LAMA3: variants seen among roughly 807,000 people sequenced by gnomAD.
LAMA3 encodes laminin subunit alpha-3.
In LAMA3, 281 loss-of-function variants were observed where a neutral mutation model predicts 402.0. The ratio of observed to expected loss-of-function variants is 0.70; its 90% CI spans 0.63 to 0.77. LAMA3 has a LOEUF of 0.77. LAMA3 is among the 30% of genes least tolerant of loss of function. The pLI, the probability that LAMA3 is intolerant of heterozygous loss-of-function variation, is 0.00. For missense variants in LAMA3, 3,840 were observed against 4,215.5 expected (o/e 0.91, Z 2.47); for synonymous variants, 1,431 against 1,558.4 (o/e 0.92, Z 1.93).
At chr18:23,774,613 T>C (rs984347717) in intron 9 of LAMA3, among the ~76,000 whole-genome samples, 3 of 152,228 alleles carry the variant, frequency 2.0e-5, no homozygotes, top group African/African-American at 7.2e-5. Flanking sequence ...TTACAGACTT[T>C]TCCCTACATG....
chr18:23,818,450 A>G (rs1287928960), intron 18 of LAMA3, among the ~76,000 whole-genome samples: 2 of 152,256 alleles, frequency 1.3e-5, no homozygotes, highest in East Asian at 3.8e-4. Flanking sequence ...GCAAACCAAC[A>G]GTGTGGATGC....
At chr18:23,915,100 A>G (rs1033210729) in intron 58 of LAMA3, among the ~76,000 whole-genome samples, 189 bp from the exon 59 acceptor site, 1 of 152,198 alleles carries the variant, frequency 6.6e-6, no homozygotes, top group Non-Finnish European at 1.5e-5. Context: ...GAGGAAACAG[A>G]GACAGCGAGG....
At chr18:23,712,152 A>G (rs2061001772) in intron 1 of LAMA3, among the ~76,000 whole-genome samples, 2 of 152,150 alleles carry the variant, frequency 1.3e-5, no homozygotes, top group South Asian at 4.1e-4. Context: ...AGGCCGAGGC[A>G]GGCGGATCAC....
At chr18:23,716,907 A>G (rs1031743521) in intron 2 of LAMA3, among the ~76,000 whole-genome samples, 1 of 152,230 alleles carries the variant, frequency 6.6e-6, no homozygotes, top group Non-Finnish European at 1.5e-5. Flanking sequence ...TAAGATTATT[A>G]TGAGTTCTAA....
At chr18:23,756,482 A>C (rs1023667028) in intron 6 of LAMA3, among the ~76,000 whole-genome samples, 3 of 144,424 alleles carry the variant, frequency 2.1e-5, no homozygotes, top group South Asian at 2.3e-4. Flanking sequence ...ACCCAAAAAA[A>C]CCCCACAACC....
chr18:23,857,775 G>C, intron 32 of LAMA3, 69 bp from the exon 33 acceptor site: 1 of 1,597,400 alleles, frequency 6.3e-7, no homozygotes, highest in Admixed American at 1.7e-5. Flanking sequence ...GTCCACTATA[G>C]TGTAAGTGAG....
At position 23,827,313 on chromosome 18, in the gene LAMA3, G is replaced by A; in HGVS notation, c.2670-1G>A. 1 of 1,614,134 alleles carries A rather than the reference G, an allele frequency of 6.2e-7. No homozygotes were observed. Among genetic ancestry groups the A allele is most frequent in the Non-Finnish European group, 8.5e-7 (1 of 1,180,002 alleles). The stretch of plus-strand genomic sequence containing the variant: ...TTCCATTGTTGTTGCTGTTGTTGAA[G>A]TTGCTTACTCTACCAGCATTTGCCA... On this transcript the variant is annotated splice_acceptor_variant, in intron 22 of 74. Transcript: ENST00000313654. LOFTEE classifies it high-confidence loss of function.
chr18:23,743,133 G>T (rs2061591169), intron 2 of LAMA3, among the ~76,000 whole-genome samples: 1 of 152,174 alleles, frequency 6.6e-6, no homozygotes, highest in Non-Finnish European at 1.5e-5. Context: ...CATGACAGGT[G>T]CTCTTTTAGA....
intron 44 of LAMA3, 193 bp from the exon 45 acceptor site, chr18:23,898,545 T>G (rs1290925396): frequency 3.3e-6 from 2 of 604,926 alleles, no homozygotes; most frequent in Admixed American, 2.9e-5. Flanking sequence ...TGCTACTTTA[T>G]TTTAGAGCCA....
At chr18:23,727,323 T>C (rs1161385696) in intron 2 of LAMA3, among the ~76,000 whole-genome samples, 1 of 152,112 alleles carries the variant, frequency 6.6e-6, no homozygotes, top group Admixed American at 6.5e-5. Context: ...GATTGATTGA[T>C]TGATTGATTG....
intron 64 of LAMA3, among the ~76,000 whole-genome samples, chr18:23,930,694 A>C (rs1292032322): frequency 6.6e-6 from 1 of 152,162 alleles, no homozygotes; most frequent in Non-Finnish European, 1.5e-5. Flanking sequence ...ACTGTACTCT[A>C]GCCTATGCAA....
Position 23,689,796 on chromosome 18 carries a change from A to G in LAMA3, c.113A>G (p.Asp38Gly). ...CCAGCCTGCGGGGCGACCGCTCGGG[A>G]TCCCGGGGCCGCGGCCGGGCTCAGC... Reference protein sequence around the residue: ...VLPACGATARDPGAAAGLSLH... With the variant: ...VLPACGATARGPGAAAGLSLH... Residue 38 changes from aspartate to glycine, a missense_variant, in exon 1 of 75, where the codon GAT (aspartate) becomes GGT (glycine). By Grantham distance (94) the Asp-to-Gly change is moderately conservative. Around this residue, in one of 3 missense-constraint regions of LAMA3, gnomAD observed 2,109 missense variants for 2,376.0 expected, o/e 0.89. Transcript: ENST00000313654. 6.5e-7 allele frequency: 1 copy of G among 1,535,768 alleles called. No individual in the cohort carries two copies. Among genetic ancestry groups the G allele is most frequent in the Non-Finnish European group, 8.8e-7 (1 of 1,141,804 alleles).
intron 22 of LAMA3, 143 bp downstream of exon 22, chr18:23,826,942 T>A: frequency 1.5e-6 from 1 of 665,498 alleles, no homozygotes; most frequent in Non-Finnish European, 2.7e-6. Flanking sequence ...CTCTATGTCT[T>A]ACTTGTGTTC....
rs1192876120 is a variant in LAMA3, at chr18:23,907,906, A to G, written c.6986A>G (p.Lys2329Arg). ...GGGAGGACACAGAACGAAGACTTCA[A>G]AAAGGCTCTGACTGATGCAGATAAC... ...TYGRTQNEDF[K>R]KALTDADNSV... The change falls in exon 54 of 75, where the codon AAA becomes AGA. Residue 2329 changes from lysine (K) to arginine (R), a missense_variant. This residue lies in a region of LAMA3 where 891 missense variants were observed against 857.5 expected (regional missense o/e 1.04). Transcript: ENST00000313654. The G allele has an allele frequency of 1.2e-6, 2 of 1,614,046 alleles. No homozygotes were observed. Among genetic ancestry groups the G allele is most frequent in the African/African-American group, 1.3e-5 (1 of 75,048 alleles).
At chr18:23,810,631 T>A in intron 13 of LAMA3, 128 bp downstream of exon 13, 1 of 1,032,128 alleles carries the variant, frequency 9.7e-7, no homozygotes. Flanking sequence ...CTTTCACAGA[T>A]CTAGTCTGCT....
Position 23,914,678 on chromosome 18 carries a change from T to A in LAMA3, c.7482-20T>A, listed in dbSNP as rs866734260. The stretch of plus-strand genomic sequence containing the variant: ...TCAAATTTTTTGTTTAACTTTATTA[T>A]CTAAATTCATTTTAAACAGAATTTA... On this transcript the variant is annotated intron_variant, in intron 57 of 74. Coordinates refer to ENST00000313654, the MANE Select transcript of LAMA3 (RefSeq NM_198129.4). 6 of 1,603,612 alleles carry A rather than the reference T, an allele frequency of 3.7e-6. No individual in the cohort carries two copies. In the South Asian group the frequency reaches 6.7e-5, roughly 18 times the overall value.
chr18:23,813,106 A>G lies in LAMA3; in HGVS notation c.1788+3A>G. ...CTGGTACCATCAACTCCAATTTGGT[A>G]AGTAGACTATAAAAGGGTTGCAATT... On this transcript the variant is annotated splice_donor_region_variant and intron_variant, in intron 14 of 74. Coordinates refer to ENST00000313654, the MANE Select transcript of LAMA3 (RefSeq NM_198129.4). The G allele has an allele frequency of 6.3e-7, 1 of 1,596,056 alleles. No homozygotes were observed. The highest frequency in any genetic ancestry group is 2.2e-5 in the East Asian group (1 of 44,788).
chr18:23,717,676 C>A (rs371610604), intron 2 of LAMA3, among the ~76,000 whole-genome samples: 7 of 149,424 alleles, frequency 4.7e-5, no homozygotes, highest in African/African-American at 1.7e-4. Context: ...CCTCAGCCTC[C>A]CAAATAGCTG....
At position 23,775,124 on chromosome 18, in the gene LAMA3, G is replaced by A. The variant is rs200815783; in HGVS notation, c.1274-668G>A. 1.2e-4 allele frequency among the ~76,000 whole-genome samples: 19 copies of A among 152,326 alleles called. No individual in the cohort carries two copies. The East Asian group carries it at 3.5e-3, about 28-fold the overall frequency. The stretch of plus-strand genomic sequence containing the variant: ...TACAGGAGATGTATTCAGATGAGCT[G>A]TGACAGTATTTTCCCTGTCCAGGGT... On this transcript the variant is annotated intron_variant, in intron 9 of 74. Coordinates refer to ENST00000313654, the MANE Select transcript of LAMA3 (RefSeq NM_198129.4).
Sources: allele counts gnomAD v4.1 joint callset (sites outside exome capture counted in the v4.1 genomes callset), GRCh38; gene constraint gnomAD v4.1.1; regional missense constraint gnomAD v4.1.1; transcripts MANE v1.5; gene names NCBI Gene and HGNC (gene_info 2026-07-23, HGNC 2026-07-21).